PCDHGA6: variants seen among roughly 807,000 people sequenced by gnomAD.
PCDHGA6 encodes protocadherin gamma subfamily A, 6, also known as protocadherin gamma-A6.
In PCDHGA6, 41 loss-of-function variants were observed where a neutral mutation model predicts 60.6. The ratio of observed to expected loss-of-function variants is 0.68; its 90% CI spans 0.53 to 0.88. PCDHGA6 has a LOEUF of 0.88. PCDHGA6 is among the 40% of genes least tolerant of loss of function. The pLI is 0.00. For missense variants in PCDHGA6, 1,312 were observed against 1,203.0 expected, an observed-to-expected ratio of 1.09 and a Z score of -1.34; for synonymous variants, 594 against 524.4, an observed-to-expected ratio of 1.13 and a Z score of -1.81.
intron 1 of PCDHGA6, chr5:141,415,059 C>A: frequency 1.2e-6 from 2 of 1,613,396 alleles, no homozygotes; most frequent in Non-Finnish European, 1.7e-6. Flanking sequence ...AGCACACGGG[C>A]GAGGTGCGCA....
intron 1 of PCDHGA6, among the ~76,000 whole-genome samples, chr5:141,484,092 G>A (rs1594371151): frequency 6.6e-6 from 1 of 152,102 alleles, no homozygotes; most frequent in African/African-American, 2.4e-5. Flanking sequence ...AATGGTCTTC[G>A]TTGGTAATTA....
At chr5:141,443,392 T>A (rs151260637) in intron 1 of PCDHGA6, among the ~76,000 whole-genome samples, 1 of 151,662 alleles carries the variant, frequency 6.6e-6, no homozygotes, top group Non-Finnish European at 1.5e-5. Context: ...GGCTGAGGTG[T>A]GAGGATCACC....
Position 141,476,187 on chromosome 5 carries a change from G to A in PCDHGA6, c.2425-18620G>A. 6.2e-7 allele frequency: 1 copy of A among 1,613,782 alleles called. No individual in the cohort carries two copies. The highest frequency in any genetic ancestry group is 1.1e-5 in the South Asian group (1 of 91,072). ...GTAGTGGGAGTTTTGCTTCTGCTTG[G>A]TGCCTTGAACAAGGCTTCCACGGTC... On this transcript the variant is annotated intron_variant, in intron 1 of 3. Coordinates refer to ENST00000517434, the MANE Select transcript of PCDHGA6 (RefSeq NM_018919.3). This position sits in a 1 kb window ranked among gnomAD's most constrained non-coding sequence, Gnocchi z 7.6.
At chr5:141,414,829 T>C (rs746789783) in intron 1 of PCDHGA6, 18 of 1,614,078 alleles carry the variant, frequency 1.1e-5, no homozygotes, top group Non-Finnish European at 1.5e-5. Context: ...CAACGTGTCG[T>C]TGAGCCTGTT....
In PCDHGA6 at chr5:141,448,136, A is replaced by G. The variant is rs2098567363; in HGVS notation, c.2425-46671A>G. Among the ~76,000 whole-genome samples, 5 of 152,036 alleles carry G rather than the reference A, an allele frequency of 3.3e-5. No individual in the cohort carries two copies. The South Asian group carries it at 1.0e-3, about 32-fold the overall frequency. On this transcript the variant is annotated intron_variant, in intron 1 of 3. Transcript: ENST00000517434. ...AAAATTAGCCTCCCCCACCCTCACT[A>G]TACCTCAGACTCACCCCTGAAAGAT...
At chr5:141,442,895 A>G (rs1381559903) in intron 1 of PCDHGA6, among the ~76,000 whole-genome samples, 5 of 152,182 alleles carry the variant, frequency 3.3e-5, no homozygotes, top group African/African-American at 1.2e-4. Context: ...CCTGCTTATC[A>G]CTTCTCCTTC....
intron 1 of PCDHGA6, chr5:141,430,951 C>T (rs200771871): frequency 3.2e-5 from 51 of 1,610,496 alleles, no homozygotes; most frequent in African/African-American, 1.5e-4. Context: ...AGCGCGGAGT[C>T]CGCATCATCC....
intron 1 of PCDHGA6, chr5:141,419,727 C>G (rs1344063538): frequency 6.2e-7 from 1 of 1,613,582 alleles, no homozygotes; most frequent in Admixed American, 1.7e-5. Flanking sequence ...GGGCTGCGAA[C>G]AGGCGAGGTG....
intron 1 of PCDHGA6, chr5:141,419,302 C>A: frequency 6.2e-7 from 1 of 1,614,024 alleles, no homozygotes; most frequent in Non-Finnish European, 8.5e-7. Flanking sequence ...ACCCAGACTT[C>A]GGGCTCAACG....
At chr5:141,416,253 A>G (rs1399251065) in intron 1 of PCDHGA6, 1 of 152,312 alleles carries the variant, frequency 6.6e-6, no homozygotes, top group Non-Finnish European at 1.5e-5. Flanking sequence ...AACTGATAAC[A>G]CTGCAGTATC....
Position 141,375,529 on chromosome 5 carries a change from C to G in PCDHGA6, c.1446C>G (p.Asp482Glu), listed in dbSNP as rs370346410. ...TGAATGCACTGGACCCTGACGTGGA[C>G]CAGAACGCCCAAGTCTCCTACTCAC... is the stretch of plus-strand genomic sequence containing the variant. ...FSVNALDPDV[D>E]QNAQVSYSLA... is the part of the protein sequence containing the mutation. The change falls in exon 1 of 4, where the codon GAC (aspartate) becomes GAG (glutamate). Residue 482 changes from aspartate to glutamate, a missense_variant. Transcript: ENST00000517434. The G allele has an allele frequency of 6.2e-7, 1 of 1,614,026 alleles. No individual in the cohort carries two copies. Among genetic ancestry groups the G allele is most frequent in the African/African-American group, 1.3e-5 (1 of 75,052 alleles).
Position 141,489,384 on chromosome 5 carries a change from T to C in PCDHGA6, c.2425-5423T>C, listed in dbSNP as rs2099686499. The stretch of plus-strand genomic sequence containing the variant: ...AGCCGGGGACGCTGGTGGGGAATGT[T>C]GCTCAGGATCTGGGCTTAAAGATGA... On this transcript the variant is annotated intron_variant, in intron 1 of 3. Transcript: ENST00000517434. The surrounding 1 kb of genome is among the most constrained non-coding windows in gnomAD (Gnocchi z 4.5). 1 of 1,613,986 alleles carries C rather than the reference T, an allele frequency of 6.2e-7. No individual in the cohort carries two copies. The highest frequency in any genetic ancestry group is 8.5e-7 in the Non-Finnish European group (1 of 1,179,842).
At chr5:141,389,236 C>G (rs1360916753) in intron 1 of PCDHGA6, 1 of 1,614,054 alleles carries the variant, frequency 6.2e-7, no homozygotes, top group Non-Finnish European at 8.5e-7. Context: ...CCGGTTTTCT[C>G]ACAGTCTTCC....
At chr5:141,399,641 C>T (rs747527070) in intron 1 of PCDHGA6, 5 of 1,613,852 alleles carry the variant, frequency 3.1e-6, no homozygotes, top group Non-Finnish European at 4.2e-6. Context: ...TCCATGAGCG[C>T]GCAAAGTGGG....
rs762908598 is a variant in PCDHGA6 at position 141,491,157 on chromosome 5, T to A, written c.2425-3650T>A. The A allele has an allele frequency of 3.7e-6, 6 of 1,614,108 alleles. No homozygotes were observed. The Admixed American group carries it at 8.3e-5, about 22-fold the overall frequency. On this transcript the variant is annotated intron_variant, in intron 1 of 3. Transcript: ENST00000517434. The surrounding 1 kb of genome is among the most constrained non-coding windows in gnomAD (Gnocchi z 6.9). ...CCCGGGCCTTACTGGAGGATGACTC[T>A]GACACCCAGCAGGTGGTGGTCCTGG...
chr5:141,404,897 C>T, intron 1 of PCDHGA6: 2 of 1,613,920 alleles, frequency 1.2e-6, no homozygotes, highest in Non-Finnish European at 1.7e-6. Flanking sequence ...TGTACAGGAC[C>T]ATGGCCAGCC....
chr5:141,448,179 G>C (rs763996329), intron 1 of PCDHGA6, among the ~76,000 whole-genome samples: 1 of 151,982 alleles, frequency 6.6e-6, no homozygotes, highest in Non-Finnish European at 1.5e-5. Context: ...ATTCATCCCT[G>C]GTTATGTACA....
intron 1 of PCDHGA6, among the ~76,000 whole-genome samples, chr5:141,467,075 C>A (rs2099136382): frequency 6.9e-6 from 1 of 145,470 alleles, no homozygotes; most frequent in Non-Finnish European, 1.5e-5. Flanking sequence ...TTTTTTTAGA[C>A]CAAGTCTCAC....
chr5:141,389,896 C>G, intron 1 of PCDHGA6: 8 of 1,614,078 alleles, frequency 5.0e-6, no homozygotes, highest in Non-Finnish European at 6.8e-6. Context: ...GAGGTGCTGC[C>G]GGATATCACT....
Sources: gnomAD v4.1 joint callset for allele counts (sites outside exome capture counted in the v4.1 genomes callset) on GRCh38, gnomAD v4.1.1 for gene constraint, Gnocchi (gnomAD v3.1) non-coding constraint, MANE v1.5 for transcripts, NCBI Gene and HGNC (gene_info 2026-07-23, HGNC 2026-07-21) for gene names.